The following CTBP2 variants were observed in gnomAD, a reference collection of about 807,000 sequenced individuals.
CTBP2 encodes the protein C-terminal-binding protein 2.
Under a neutral mutation model 80.3 loss-of-function variants are expected in CTBP2, and 30 were observed. The observed-to-expected ratio is 0.37, with a 90% confidence interval of 0.28 to 0.51. CTBP2 has a LOEUF of 0.51. Among genes scored for constraint, CTBP2 ranks in the 20% least tolerant of loss-of-function variants. The pLI, the probability that CTBP2 is intolerant of heterozygous loss-of-function variation, is 0.93. For synonymous variants in CTBP2, 594 were observed against 587.4 expected (o/e 1.01, Z -0.16); for missense variants, 1,212 against 1,375.3 (o/e 0.88, Z 1.88).
chr10:125,036,668 GGTGTGTGTGTGTGTGTGT>G (rs59284647), intron 3 of CTBP2, among the ~76,000 whole-genome samples: 1,742 of 119,340 alleles, frequency 0.015, 34 homozygotes, highest in African/African-American at 0.051. Flanking sequence ...AGCTAGAGGG[GGTGTGTGTGTGTGTGTGT>G]GTGTGTGTGT....
intron 1 of CTBP2, among the ~76,000 whole-genome samples, chr10:125,014,416 C>T (rs1169732894): frequency 1.8e-4 from 27 of 152,244 alleles, no homozygotes; most frequent in Admixed American, 1.8e-3. Context: ...TGTGCCACTG[C>T]ACTTCAGCCT....
At chr10:125,023,873 C>T (rs1182248713) in intron 1 of CTBP2, among the ~76,000 whole-genome samples, 1 of 152,240 alleles carries the variant, frequency 6.6e-6, no homozygotes, top group South Asian at 2.1e-4. Flanking sequence ...TGCAACACCG[C>T]CCATCCCGAA....
chr10:125,098,655 GGGGAGAGAGAGAGAGA>G (rs1405058909), intron 2 of CTBP2, among the ~76,000 whole-genome samples: 28 of 24,832 alleles, frequency 1.1e-3, no homozygotes, highest in East Asian at 7.7e-3. Context: ...AATGGGGGAG[GGGGAGAGAGAGAGAGA>G]GAGAGAGAGA....
At chr10:125,108,235 G>A (rs1176520888) in intron 2 of CTBP2, among the ~76,000 whole-genome samples, 1 of 152,214 alleles carries the variant, frequency 6.6e-6, no homozygotes, top group Non-Finnish European at 1.5e-5. Context: ...TGAAGTGTTT[G>A]ACGTCAAGTT....
At chr10:125,055,273 C>T (rs1280282251) in intron 2 of CTBP2, among the ~76,000 whole-genome samples, 1 of 152,198 alleles carries the variant, frequency 6.6e-6, no homozygotes, top group Admixed American at 6.5e-5. Context: ...ACAAACACAG[C>T]CGCTTCTGAG....
chr10:125,094,163 G>A (rs904698441), intron 2 of CTBP2, among the ~76,000 whole-genome samples: 23 of 152,190 alleles, frequency 1.5e-4, no homozygotes, highest in Admixed American at 1.1e-3. Flanking sequence ...GGTAAGTTAC[G>A]CCTGGTGCTG....
chr10:125,011,330 G>A (rs1383251326), intron 1 of CTBP2, among the ~76,000 whole-genome samples: 1 of 152,210 alleles, frequency 6.6e-6, no homozygotes, highest in African/African-American at 2.4e-5. Context: ...AATGAGTCAC[G>A]ATGTGACACA....
At chr10:125,080,000 G>A (rs913172113) in intron 2 of CTBP2, among the ~76,000 whole-genome samples, 5 of 152,130 alleles carry the variant, frequency 3.3e-5, no homozygotes, top group East Asian at 1.9e-4. Context: ...AAATGGTTTC[G>A]ATACTGTACC....
chr10:124,994,680 C>A lies in CTBP2; in HGVS notation c.2189G>T (p.Arg730Leu), dbSNP rs201252751. 9 of 1,614,192 alleles carry A rather than the reference C, an allele frequency of 5.6e-6. No homozygotes were observed. The highest frequency in any genetic ancestry group is 7.6e-6 in the Non-Finnish European group (9 of 1,180,008). Residue 730 changes from arginine to leucine, a missense_variant, in exon 5 of 9, where the codon CGC becomes CTC. By Grantham distance (102) the Arg-to-Leu change is moderately radical. Transcript: ENST00000309035. Reference sequence around the variant, plus strand: ...TCGAACTGCAACCGCCTGCCCCGTGCGACCTGTACAGAAACAGAGCGTCCA... The same window carrying A: ...TCGAACTGCAACCGCCTGCCCCGTGAGACCTGTACAGAAACAGAGCGTCCA...
intron 2 of CTBP2, among the ~76,000 whole-genome samples, chr10:125,086,714 G>C (rs73377252): frequency 2.0e-5 from 3 of 151,170 alleles, no homozygotes; most frequent in Admixed American, 1.3e-4. Flanking sequence ...ATCAGACATC[G>C]AATCTGCTGG....
At position 125,129,028 on chromosome 10, in the gene CTBP2, G is replaced by A. The variant is rs150152295; in HGVS notation, c.-205-17935C>T. Among the ~76,000 whole-genome samples, 1,070 of 152,288 alleles carry A rather than the reference G, an allele frequency of 7.0e-3. 10 individuals carry two copies. Among genetic ancestry groups the A allele is most frequent in the Middle Eastern group, 0.02 (6 of 294 alleles). On this transcript the variant is annotated intron_variant, in intron 1 of 10. Transcript: ENST00000337195. ...CTTAAAAATCTCAAATACATCATGT[G>A]TGTGGCATGAAAAAAGCTTCATGCA...
chr10:125,103,681 G>A (rs772443295), intron 2 of CTBP2, among the ~76,000 whole-genome samples: 2 of 152,132 alleles, frequency 1.3e-5, no homozygotes, highest in South Asian at 2.1e-4. Context: ...CTCCTAGGAC[G>A]CAGGCCCCAT....
At chr10:125,085,485 T>A (rs1217234630) in intron 2 of CTBP2, among the ~76,000 whole-genome samples, 1 of 152,196 alleles carries the variant, frequency 6.6e-6, no homozygotes, top group African/African-American at 2.4e-5. Flanking sequence ...AAGTCTTTAG[T>A]GCAGGATTTA....
intron 1 of CTBP2, among the ~76,000 whole-genome samples, chr10:125,132,201 AAC>A (rs1856294719): frequency 6.6e-6 from 1 of 152,200 alleles, no homozygotes; most frequent in Non-Finnish European, 1.5e-5. Flanking sequence ...GAAAATGCCA[AAC>A]TCTAAAACTT....
intron 1 of CTBP2, among the ~76,000 whole-genome samples, chr10:125,153,340 G>C (rs537595854): frequency 3.3e-4 from 50 of 152,250 alleles, no homozygotes; most frequent in Admixed American, 5.9e-4. Flanking sequence ...CCAGGATCCA[G>C]ATGGATTTGC....
chr10:125,035,942 G>C (rs1408920002), intron 3 of CTBP2, among the ~76,000 whole-genome samples: 2 of 152,160 alleles, frequency 1.3e-5, no homozygotes, highest in African/African-American at 4.8e-5. Flanking sequence ...TTATAGGATT[G>C]CTTGATAGCA....
intron 1 of CTBP2, among the ~76,000 whole-genome samples, chr10:125,134,128 T>A (rs1184731656): frequency 6.6e-6 from 1 of 152,230 alleles, no homozygotes; most frequent in Non-Finnish European, 1.5e-5. Flanking sequence ...CGCTGCATGC[T>A]GTTCTGAAAA....
chr10:125,011,048 C>T (rs1359045945), intron 1 of CTBP2, among the ~76,000 whole-genome samples: 1 of 152,174 alleles, frequency 6.6e-6, no homozygotes, highest in Non-Finnish European at 1.5e-5. Context: ...TCAAGTTCCC[C>T]CTGCTTTTCT....
At chr10:125,137,478 C>T (rs1420623454) in intron 1 of CTBP2, among the ~76,000 whole-genome samples, 2 of 152,136 alleles carry the variant, frequency 1.3e-5, no homozygotes, top group African/African-American at 2.4e-5. Context: ...ATCAAGGCAC[C>T]GACTTTATCT....
Sources: gnomAD v4.1 joint callset for allele counts (sites outside exome capture counted in the v4.1 genomes callset) on GRCh38, gnomAD v4.1.1 for gene constraint, MANE v1.5 for transcripts, NCBI Gene and HGNC (gene_info 2026-07-23, HGNC 2026-07-21) for gene names.